Variants in LAMA2 observed in about 807,000 individuals in gnomAD.
LAMA2 encodes laminin subunit alpha-2.
LAMA2 carries 269 observed loss-of-function variants against 364.8 expected under a neutral mutation model. That is an observed-to-expected ratio of 0.74 (90% CI 0.67 to 0.82). The LOEUF (loss-of-function observed/expected upper bound fraction) is 0.82. Among genes scored for constraint, LAMA2 ranks in the 40% least tolerant of loss-of-function variants. The pLI, the probability that LAMA2 is intolerant of heterozygous loss-of-function variation, is 0.00. For missense variants in LAMA2, 3,807 were observed against 3,873.2 expected (o/e 0.98, Z 0.45); for synonymous variants, 1,379 against 1,370.6 (o/e 1.01, Z -0.14).
At chr6:129,394,786 C>A (rs1779515391) in intron 37 of LAMA2, among the ~76,000 whole-genome samples, 2 of 152,118 alleles carry the variant, frequency 1.3e-5, no homozygotes, top group Admixed American at 1.3e-4. Flanking sequence ...TCAATAGTAC[C>A]TTTAGCTATT....
intron 12 of LAMA2, among the ~76,000 whole-genome samples, chr6:129,207,053 C>T (rs1481469083): frequency 6.6e-6 from 1 of 152,180 alleles, no homozygotes; most frequent in African/African-American, 2.4e-5. Flanking sequence ...AATCATGAGG[C>T]CATTGCCTCT....
In LAMA2 at chr6:129,403,891, G is replaced by T; in HGVS notation, c.5797G>T (p.Asp1933Tyr). 1 of 1,613,286 alleles carries T rather than the reference G, an allele frequency of 6.2e-7. No individual in the cohort carries two copies. Among genetic ancestry groups the T allele is most frequent in the Non-Finnish European group, 8.5e-7 (1 of 1,179,354 alleles). Residue 1933 changes from aspartate to tyrosine, a missense_variant, in exon 40 of 65, where the codon GAC becomes TAC. Transcript: ENST00000421865. ...AAFKAYSNIKDYIDEAEKVAK... is the reference protein window; with the variant it reads ...AAFKAYSNIKYYIDEAEKVAK... ...CTTCAAAGCTTACAGCAATATTAAG[G>T]ACTATATTGATGAAGCTGAGAAAGT...
At chr6:129,401,738 G>A (rs778668864) in intron 38 of LAMA2, among the ~76,000 whole-genome samples, 24 of 152,210 alleles carry the variant, frequency 1.6e-4, no homozygotes, top group Non-Finnish European at 3.2e-4. Flanking sequence ...TCATAGAAAT[G>A]CAAATGGCCT....
intron 12 of LAMA2, among the ~76,000 whole-genome samples, chr6:129,236,213 G>A (rs1453780072): frequency 6.6e-6 from 1 of 152,142 alleles, no homozygotes; most frequent in African/African-American, 2.4e-5. Flanking sequence ...GCACAGTAGA[G>A]ACGATGCTGT....
chr6:129,129,074 G>C (rs76884597), intron 4 of LAMA2, among the ~76,000 whole-genome samples: 5,875 of 152,290 alleles, frequency 0.039, 390 homozygotes, highest in African/African-American at 0.13. Flanking sequence ...AGGCTCTGCT[G>C]TCCGTATCTT....
In LAMA2 at chr6:129,020,844, G is replaced by A. The variant is rs527982002; in HGVS notation, c.113-29074G>A. On this transcript the variant is annotated intron_variant, in intron 1 of 64. Transcript: ENST00000421865. ...ATGGGAGTGGAAGGCAAGTCAGAGAGAACTTGGTTCTAAGGTGGCTTCTTT... is the reference window on the plus strand; with the variant it reads ...ATGGGAGTGGAAGGCAAGTCAGAGAAAACTTGGTTCTAAGGTGGCTTCTTT... Among the ~76,000 whole-genome samples, 21 of 152,264 alleles carry A rather than the reference G, an allele frequency of 1.4e-4. 1 individual carries two copies. In the South Asian group the frequency reaches 3.9e-3, roughly 29 times the overall value.
intron 10 of LAMA2, among the ~76,000 whole-genome samples, chr6:129,185,014 C>T (rs1286995280): frequency 6.6e-6 from 1 of 151,810 alleles, no homozygotes; most frequent in Non-Finnish European, 1.5e-5. Flanking sequence ...TATTTTAATA[C>T]TAGGATGCAT....
chr6:129,169,623 C>CT (rs1249865767), intron 9 of LAMA2, among the ~76,000 whole-genome samples: 53 of 149,396 alleles, frequency 3.5e-4, no homozygotes, highest in African/African-American at 1.3e-3. Flanking sequence ...CTAAAATTCT[C>CT]TTTTTTGGTT....
In LAMA2 at chr6:128,929,401, T is replaced by G. The variant is rs1396686192; in HGVS notation, c.112+46044T>G. ...TCATCAGTCATGTGAGGATGAGTGATAGCACACCTCCATCTTTGAGTAGCT... is the reference window on the plus strand; with the variant it reads ...TCATCAGTCATGTGAGGATGAGTGAGAGCACACCTCCATCTTTGAGTAGCT... On this transcript the variant is annotated intron_variant, in intron 1 of 64. Transcript: ENST00000421865. 12 of 897,034 alleles carry G rather than the reference T, an allele frequency of 1.3e-5. No homozygotes were observed. The Admixed American group carries it at 2.0e-4, about 15-fold the overall frequency. The allele number at this position is 897,034 out of a possible 1,614,324, so 55.6% of individuals were successfully genotyped here.
At chr6:128,966,791 G>A (rs1032754283) in intron 1 of LAMA2, among the ~76,000 whole-genome samples, 2 of 152,140 alleles carry the variant, frequency 1.3e-5, no homozygotes, top group Non-Finnish European at 2.9e-5. Flanking sequence ...TTTATTAAAT[G>A]GTTATTCTTT....
At chr6:129,382,229 G>A (rs963477898) in intron 34 of LAMA2, among the ~76,000 whole-genome samples, 3 of 152,132 alleles carry the variant, frequency 2.0e-5, no homozygotes, top group African/African-American at 7.2e-5. Context: ...TAAAAGAGAA[G>A]AAGGCTTATA....
intron 20 of LAMA2, among the ~76,000 whole-genome samples, chr6:129,294,239 G>T (rs1307648683): frequency 6.6e-6 from 1 of 152,204 alleles, no homozygotes; most frequent in Non-Finnish European, 1.5e-5. Context: ...TCCTGAATTG[G>T]TCAGGGAGGT....
chr6:129,069,587 G>A (rs1468292262), intron 3 of LAMA2, among the ~76,000 whole-genome samples: 1 of 149,062 alleles, frequency 6.7e-6, no homozygotes, highest in Non-Finnish European at 1.5e-5. Flanking sequence ...ATGAATAGAA[G>A]TTAGAATACT....
rs191230333 is a variant in LAMA2 at position 128,913,178 on chromosome 6, T to C, written c.112+29821T>C. ...TACTGAAGTGAACTGCAGAGTACAG[T>C]CACTGGCATTGATGAGTCTAGATGC... On this transcript the variant is annotated intron_variant, in intron 1 of 64. Transcript: ENST00000421865. Among the ~76,000 whole-genome samples the C allele has an allele frequency of 5.9e-5, 9 of 152,350 alleles. No individual in the cohort carries two copies. The East Asian group carries it at 1.7e-3, about 29-fold the overall frequency.
chr6:129,131,965 C>T (rs764329082), intron 4 of LAMA2, among the ~76,000 whole-genome samples: 3 of 152,042 alleles, frequency 2.0e-5, no homozygotes, highest in South Asian at 4.1e-4. Flanking sequence ...TTTCATTTCC[C>T]GCTTCTCACA....
chr6:129,099,882 A>T (rs951964223), intron 4 of LAMA2, among the ~76,000 whole-genome samples: 1 of 152,240 alleles, frequency 6.6e-6, no homozygotes, highest in African/African-American at 2.4e-5. Flanking sequence ...ACAGCTGTTC[A>T]ACCTGCTTTG....
chr6:129,510,060 A>T (rs1396188752), intron 62 of LAMA2, among the ~76,000 whole-genome samples: 2 of 152,126 alleles, frequency 1.3e-5, no homozygotes, highest in Non-Finnish European at 2.9e-5. Flanking sequence ...AAGATCTGGA[A>T]CACGACAAGG....
intron 1 of LAMA2, among the ~76,000 whole-genome samples, chr6:129,031,184 T>C (rs1488407571): frequency 6.6e-6 from 1 of 152,174 alleles, no homozygotes; most frequent in Non-Finnish European, 1.5e-5. Context: ...AATCTCACTG[T>C]GAAAAAAATT....
intron 27 of LAMA2, among the ~76,000 whole-genome samples, chr6:129,318,574 A>G (rs1165345016): frequency 6.6e-6 from 1 of 152,218 alleles, no homozygotes; most frequent in Non-Finnish European, 1.5e-5. Flanking sequence ...GGAGATGCCA[A>G]TGCAAAGTTA....
Sources: gnomAD v4.1 joint callset for allele counts (sites outside exome capture counted in the v4.1 genomes callset) on GRCh38, gnomAD v4.1.1 for gene constraint, MANE v1.5 for transcripts, NCBI Gene and HGNC (gene_info 2026-07-23, HGNC 2026-07-21) for gene names.